Variants in EP300 observed in about 807,000 individuals in gnomAD.
The protein encoded by EP300 is histone acetyltransferase p300.
A neutral mutation model predicts 264.0 loss-of-function variants in EP300; 31 were observed. That is an observed-to-expected ratio of 0.12 (90% CI 0.09 to 0.16). The LOEUF (loss-of-function observed/expected upper bound fraction) is 0.16, where lower values mean the gene tolerates loss of function less well. Ranked by LOEUF, EP300 falls within the 10% of genes least tolerant of loss-of-function variation. The probability of loss-of-function intolerance (pLI) is 1.00; values close to 1 mark genes in which losing one functional copy is unlikely to be tolerated. For synonymous variants in EP300, 1,340 were observed against 1,045.4 expected (o/e 1.28, Z -5.44); for missense variants, 2,766 against 3,052.9 (o/e 0.91, Z 2.21).
At chr22:41,121,932 G>C (rs2058854269) in intron 2 of EP300, among the ~76,000 whole-genome samples, 1 of 152,006 alleles carries the variant, frequency 6.6e-6, no homozygotes, top group Non-Finnish European at 1.5e-5. Context: ...ATAAGAAACA[G>C]GTTAAACAAC....
At chr22:41,174,891 G>C (rs1338938643) in intron 29 of EP300, 1 of 152,094 alleles carries the variant, frequency 6.6e-6, no homozygotes, top group Non-Finnish European at 1.5e-5. Flanking sequence ...TGTTATCATG[G>C]TGAACACCTA....
intron 11 of EP300, 45 bp downstream of exon 11, chr22:41,146,861 G>T: frequency 6.6e-7 from 1 of 1,523,316 alleles, no homozygotes; most frequent in Non-Finnish European, 9.0e-7. Flanking sequence ...AATCCCCGGT[G>T]TACTGCAAGA....
Position 41,176,456 on chromosome 22 carries a change from G to A in EP300, c.4989G>A (p.Gln1663=), listed in dbSNP as rs2145513555. 1 of 1,614,222 alleles carries A rather than the reference G, an allele frequency of 6.2e-7. No homozygotes were observed. The highest frequency in any genetic ancestry group is 8.5e-7 in the Non-Finnish European group (1 of 1,180,048). The change falls in exon 30 of 31, where the codon CAG becomes CAA. Residue 1663 remains glutamine, a synonymous_variant. Coordinates refer to ENST00000263253, the MANE Select transcript of EP300 (RefSeq NM_001429.4). The stretch of plus-strand genomic sequence containing the variant: ...TGGTGGAGCTGCACACGCAGAGCCA[G>A]GACCGCTTTGTCTACACCTGCAATG... The part of the protein sequence containing the change: ...CMLVELHTQS[Q]DRFVYTCNEC...
rs752110014 is a variant in EP300, at chr22:41,178,062, C to T, written c.6351C>T (p.Thr2117=). The T allele has an allele frequency of 9.3e-6, 15 of 1,614,038 alleles. No homozygotes were observed. Among genetic ancestry groups the T allele is most frequent in the Middle Eastern group, 1.6e-4 (1 of 6,084 alleles). ...PQGQPGLQPP[T]MPGQQGVHSN... ...GGCAGCCAGGGCTACAGCCACCTACCATGCCAGGTCAGCAGGGGGTCCACT... is the reference window on the plus strand; with the variant it reads ...GGCAGCCAGGGCTACAGCCACCTACTATGCCAGGTCAGCAGGGGGTCCACT... The change falls in exon 31 of 31, where the codon ACC becomes ACT. Residue 2117 remains threonine, a synonymous_variant. Transcript: ENST00000263253.
At position 41,173,849 on chromosome 22, in the gene EP300, C is replaced by A. The variant is rs977808659; in HGVS notation, c.4779+65C>A. The A allele has an allele frequency of 3.8e-6, 6 of 1,596,894 alleles. No homozygotes were observed. In the African/African-American group the frequency reaches 4.0e-5, roughly 11 times the overall value. Reference sequence around the variant, plus strand: ...ATTTCTGGCCAGGCATGGTGGCTCACACCTGTAATCCCAGCACTTTGGGAG... The same window carrying A: ...ATTTCTGGCCAGGCATGGTGGCTCAAACCTGTAATCCCAGCACTTTGGGAG... On this transcript the variant is annotated intron_variant, in intron 29 of 30. Transcript: ENST00000263253.
chr22:41,168,321 G>T, intron 23 of EP300, 128 bp from the exon 24 acceptor site: 2 of 1,116,416 alleles, frequency 1.8e-6, no homozygotes, highest in Non-Finnish European at 2.7e-6. Context: ...ACTTTGCTAT[G>T]ATTTTTTAAA....
At chr22:41,133,897 G>A (rs1329567055) in intron 6 of EP300, among the ~76,000 whole-genome samples, 4 of 152,174 alleles carry the variant, frequency 2.6e-5, no homozygotes, top group Non-Finnish European at 5.9e-5. Flanking sequence ...GAAACTGAAA[G>A]TTATGAGAGT....
rs60283061 is a variant in EP300, at chr22:41,179,533, T to TA, written c.*592dup. The TA allele has an allele frequency of 0.29, 47,615 of 163,880 alleles. 5,408 individuals are homozygous for TA. Among genetic ancestry groups the TA allele is most frequent in the Admixed American group, 0.45 (6,372 of 14,304 alleles). 10.2% of individuals were successfully genotyped at this position (163,880 alleles called of 1,614,324 possible). A position where few individuals can be genotyped will look rare whatever the true frequency, so the allele number is the denominator to read the frequency against. On this transcript the variant is annotated 3_prime_UTR_variant, in exon 31 of 31. Transcript: ENST00000263253. ...GATGTTCATTCTTTTAAAAAATGTT[T>TA]AAAAAAAAAAAAAAACTGCCTTTCT...
chr22:41,097,710 C>CT (rs1272724139), intron 1 of EP300, among the ~76,000 whole-genome samples: 2 of 152,016 alleles, frequency 1.3e-5, no homozygotes, highest in Non-Finnish European at 2.9e-5. Flanking sequence ...TTGAAGATTT[C>CT]TAAAGTTGAA....
chr22:41,178,651 C>T lies in EP300; in HGVS notation c.6940C>T (p.Pro2314Ser). Reference protein sequence around the residue: ...SNQVRSPQPVPSPRPQSQPPH... With the variant: ...SNQVRSPQPVSSPRPQSQPPH... ...TCAAGTGCGCTCTCCCCAGCCTGTC[C>T]CTTCTCCACGGCCACAGTCCCAGCC... is the stretch of plus-strand genomic sequence containing the variant. The change falls in exon 31 of 31, where the codon CCT (proline) becomes TCT (serine). Residue 2314 changes from proline (P) to serine (S), a missense_variant. Pro to Ser is a moderately conservative substitution (Grantham distance 74, BLOSUM62 -1). Coordinates refer to ENST00000263253, the MANE Select transcript of EP300 (RefSeq NM_001429.4). 1 of 1,614,142 alleles carries T rather than the reference C, an allele frequency of 6.2e-7. No individual in the cohort carries two copies. The highest frequency in any genetic ancestry group is 1.3e-5 in the African/African-American group (1 of 75,020).
intron 2 of EP300, 100 bp downstream of exon 2, chr22:41,117,921 T>TA: frequency 6.4e-7 from 1 of 1,565,680 alleles, no homozygotes; most frequent in Admixed American, 1.8e-5. Flanking sequence ...TTTCCACTAT[T>TA]ACACGCCAGG....
chr22:41,096,971 C>G (rs988102346), intron 1 of EP300, among the ~76,000 whole-genome samples: 2 of 152,108 alleles, frequency 1.3e-5, no homozygotes, highest in Non-Finnish European at 2.9e-5. Flanking sequence ...TCATCCTAAC[C>G]AAAACATTTT....
intron 2 of EP300, among the ~76,000 whole-genome samples, chr22:41,124,160 G>T (rs2058867907): frequency 6.6e-6 from 1 of 152,226 alleles, no homozygotes; most frequent in Non-Finnish European, 1.5e-5. Flanking sequence ...CAGGATAACC[G>T]CTTGAACCCA....
chr22:41,156,223 G>T (rs1313965701), intron 17 of EP300, among the ~76,000 whole-genome samples: 1 of 152,006 alleles, frequency 6.6e-6, no homozygotes, highest in Non-Finnish European at 1.5e-5. Context: ...ATGTTGGTCA[G>T]GCTGGTCTCA....
At chr22:41,099,945 T>C (rs1417356431) in intron 1 of EP300, among the ~76,000 whole-genome samples, 1 of 152,156 alleles carries the variant, frequency 6.6e-6, no homozygotes, top group Non-Finnish European at 1.5e-5. Flanking sequence ...AAAACATTGT[T>C]GTGGCTCACG....
chr22:41,121,635 C>T (rs1569092692), intron 2 of EP300, among the ~76,000 whole-genome samples: 1 of 152,056 alleles, frequency 6.6e-6, no homozygotes, highest in African/African-American at 2.4e-5. Flanking sequence ...GGTAATGCAT[C>T]GTGATCAAGG....
At chr22:41,161,531 G>C (rs578245761) in intron 20 of EP300, among the ~76,000 whole-genome samples, 2 of 152,118 alleles carry the variant, frequency 1.3e-5, no homozygotes, top group African/African-American at 4.8e-5. Flanking sequence ...GCAGGAGAAC[G>C]GCGTGAACCC....
At position 41,149,075 on chromosome 22, in the gene EP300, A is replaced by G. The variant is rs374502005; in HGVS notation, c.2279A>G (p.Asn760Ser). 2.0e-5 allele frequency: 32 copies of G among 1,613,708 alleles called. No individual in the cohort carries two copies. Among genetic ancestry groups the G allele is most frequent in the African/African-American group, 2.7e-5 (2 of 74,838 alleles). ...GYGPRMQQPS[N>S]QGQFLPQTQF... ...GGGCCTCGTATGCAACAGCCTTCCA[A>G]CCAGGGCCAGTTCCTTCCTCAGACT... Residue 760 changes from asparagine (N) to serine (S), a missense_variant, in exon 13 of 31, where the codon AAC (asparagine) becomes AGC (serine). Physicochemically the swap from Asn to Ser is conservative, Grantham distance 46. Transcript: ENST00000263253.
intron 6 of EP300, among the ~76,000 whole-genome samples, chr22:41,134,641 G>A (rs79575047): frequency 2.0e-5 from 3 of 152,084 alleles, no homozygotes; most frequent in African/African-American, 4.8e-5. Context: ...GTGATCGCCT[G>A]CCTCGACCTC....
Sources: allele counts gnomAD v4.1 joint callset (sites outside exome capture counted in the v4.1 genomes callset), GRCh38; gene constraint gnomAD v4.1.1; transcripts MANE v1.5; gene names NCBI Gene and HGNC (gene_info 2026-07-23, HGNC 2026-07-21).